The following TNS1 variants were observed in gnomAD, a reference collection of about 807,000 sequenced individuals.
TNS1 encodes tensin-1.
A neutral mutation model predicts 168.6 loss-of-function variants in TNS1; 62 were observed. That is an observed-to-expected ratio of 0.37 (90% CI 0.30 to 0.45). The LOEUF (loss-of-function observed/expected upper bound fraction) is 0.45. TNS1 is among the 20% of genes least tolerant of loss of function. The pLI, the probability that TNS1 is intolerant of heterozygous loss-of-function variation, is 1.00. For synonymous variants in TNS1, 934 were observed against 933.2 expected (o/e 1.00, Z -0.02); for missense variants, 2,240 against 2,339.4 (o/e 0.96, Z 0.88).
At chr2:217,932,366 T>C (rs1319299018) in intron 3 of TNS1, among the ~76,000 whole-genome samples, 3 of 152,156 alleles carry the variant, frequency 2.0e-5, no homozygotes, top group African/African-American at 2.4e-5. Context: ...CTCTGTAAAA[T>C]GGGGGTGAGA....
At chr2:217,957,325 G>A (rs575691056) in intron 3 of TNS1, among the ~76,000 whole-genome samples, 10 of 152,216 alleles carry the variant, frequency 6.6e-5, no homozygotes, top group African/African-American at 1.9e-4. Flanking sequence ...CCAAGGTGCC[G>A]CACTCCTCCC....
chr2:217,979,088 G>T (rs1351579080), intron 2 of TNS1, among the ~76,000 whole-genome samples: 21 of 151,996 alleles, frequency 1.4e-4, no homozygotes, highest in Admixed American at 1.3e-3. Context: ...AAAGGGGGGG[G>T]TCCCCCACTG....
At chr2:217,981,004 T>C (rs1958034640) in intron 2 of TNS1, among the ~76,000 whole-genome samples, 2 of 152,212 alleles carry the variant, frequency 1.3e-5, no homozygotes, top group South Asian at 4.1e-4. Flanking sequence ...ACACCGGTTA[T>C]TTCCTGGTTA....
intron 22 of TNS1, among the ~76,000 whole-genome samples, chr2:217,830,563 A>C (rs370302519): frequency 1.3e-5 from 2 of 152,130 alleles, no homozygotes; most frequent in East Asian, 3.9e-4. Context: ...AGGAGGTAGG[A>C]GGTGTGAACC....
At position 217,965,008 on chromosome 2, in the gene TNS1, C is replaced by T. The variant is rs191498433; in HGVS notation, c.186+13757G>A. 6.6e-5 allele frequency among the ~76,000 whole-genome samples: 10 copies of T among 152,292 alleles called. 1 individual carries two copies. Among genetic ancestry groups the T allele is most frequent in the South Asian group, 6.2e-4 (3 of 4,826 alleles). ...GGGGTGTCAAAGATCCTTGGCAGGG[C>T]GGAGCAGAGATAAACAACTGCAGGG... On this transcript the variant is annotated intron_variant, in intron 3 of 32. Transcript: ENST00000682258.
At chr2:217,874,643 T>C (rs1950061388) in intron 18 of TNS1, among the ~76,000 whole-genome samples, 1 of 152,230 alleles carries the variant, frequency 6.6e-6, no homozygotes, top group African/African-American at 2.4e-5. Context: ...CGCGGCTTTT[T>C]CTAAAGAAGA....
chr2:217,900,663 G>T, intron 6 of TNS1, 151 bp from the exon 7 acceptor site: 1 of 834,426 alleles, frequency 1.2e-6, no homozygotes, highest in Non-Finnish European at 1.9e-6. Flanking sequence ...CAAAAACACA[G>T]CCTGCCCGAA....
intron 3 of TNS1, among the ~76,000 whole-genome samples, chr2:217,951,098 G>A (rs1303364705): frequency 6.6e-6 from 1 of 152,182 alleles, no homozygotes; most frequent in African/African-American, 2.4e-5. Context: ...CCCTCCAGGG[G>A]GAAGGGAATC....
intron 18 of TNS1, among the ~76,000 whole-genome samples, chr2:217,861,152 T>C (rs1948742719): frequency 6.6e-6 from 1 of 152,210 alleles, no homozygotes; most frequent in Admixed American, 6.5e-5. Flanking sequence ...AGCTCATCTT[T>C]AGGGGGCCGT....
chr2:217,835,215 G>A, intron 20 of TNS1, 49 bp from the exon 21 acceptor site: 1 of 1,550,244 alleles, frequency 6.5e-7, no homozygotes, highest in Non-Finnish European at 8.8e-7. Context: ...GAGAAGGAGA[G>A]ATTTCCCCTT....
At chr2:217,834,809 A>T (rs1559196377) in intron 21 of TNS1, among the ~76,000 whole-genome samples, 1 of 152,196 alleles carries the variant, frequency 6.6e-6, no homozygotes, top group Non-Finnish European at 1.5e-5. Context: ...AAAACAAGTA[A>T]GAAAACTCCA....
At chr2:217,922,750 C>T (rs1421384873) in intron 3 of TNS1, among the ~76,000 whole-genome samples, 1 of 152,076 alleles carries the variant, frequency 6.6e-6, no homozygotes, top group Non-Finnish European at 1.5e-5. Context: ...GCAGAGGCAC[C>T]CCCTAAGAAC....
intron 18 of TNS1, chr2:217,849,908 C>G (rs894621882): frequency 3.0e-6 from 3 of 985,298 alleles, no homozygotes; most frequent in East Asian, 2.3e-4. Context: ...CTGGGACTCT[C>G]TAAGACAAGC....
intron 19 of TNS1, among the ~76,000 whole-genome samples, chr2:217,837,606 T>C (rs2125337977): frequency 6.6e-6 from 1 of 152,344 alleles, no homozygotes; most frequent in South Asian, 2.1e-4. Flanking sequence ...TACCGAGTGG[T>C]GCCCTGAGTC....
chr2:217,986,997 C>T lies in TNS1; in HGVS notation c.148+3945G>A, dbSNP rs114002218. On this transcript the variant is annotated intron_variant, in intron 2 of 32. Coordinates refer to ENST00000682258, the MANE Select transcript of TNS1 (RefSeq NM_001387777.1). The surrounding 1 kb of genome is among the most constrained non-coding windows in gnomAD (Gnocchi z 4.7). ...TGCAGACTCCAACCAGGGAGTTTTC[C>T]AGGCCCTCCCCACTGTCAGGGCCTC... 2,234 of 152,314 alleles carry T rather than the reference C, an allele frequency of 0.015. 21 individuals are homozygous for T. Among genetic ancestry groups the T allele is most frequent in the Non-Finnish European group, 0.017 (1,175 of 68,022 alleles). 9.4% of individuals were successfully genotyped at this position (152,314 alleles called of 1,614,324 possible). A position where few individuals can be genotyped will look rare whatever the true frequency, so the allele number is the denominator to read the frequency against.
chr2:217,862,270 TG>T (rs139850907), intron 18 of TNS1, among the ~76,000 whole-genome samples: 2,721 of 152,008 alleles, frequency 0.018, 77 homozygotes, highest in African/African-American at 0.062. Context: ...TGTTTCTATT[TG>T]GGGGAAAAAA....
intron 6 of TNS1, 89 bp from the exon 7 acceptor site, chr2:217,900,601 A>G (rs1320569914): frequency 1.5e-6 from 2 of 1,330,730 alleles, no homozygotes; most frequent in East Asian, 2.5e-5. Context: ...GGGGGCAAAC[A>G]TGATCCTCTT....
chr2:217,892,769 C>T (rs554952631), intron 11 of TNS1, among the ~76,000 whole-genome samples, 179 bp downstream of exon 11: 17 of 152,312 alleles, frequency 1.1e-4, no homozygotes, highest in African/African-American at 2.6e-4. Context: ...TCCTCCCTCC[C>T]GCCCTCTGTC....
intron 12 of TNS1, among the ~76,000 whole-genome samples, chr2:217,887,887 T>C (rs1193391483): frequency 6.6e-6 from 1 of 152,174 alleles, no homozygotes; most frequent in Non-Finnish European, 1.5e-5. Flanking sequence ...TGATTGGCCA[T>C]GGAATGACAA....
Sources: allele counts gnomAD v4.1 joint callset (sites outside exome capture counted in the v4.1 genomes callset), GRCh38; gene constraint gnomAD v4.1.1; non-coding constraint Gnocchi (gnomAD v3.1); transcripts MANE v1.5; gene names NCBI Gene and HGNC (gene_info 2026-07-23, HGNC 2026-07-21).